Variants in AGBL1 observed in about 807,000 individuals in gnomAD.
AGBL1 encodes the protein AGBL carboxypeptidase 1.
Under a neutral mutation model 118.9 loss-of-function variants are expected in AGBL1, and 130 were observed. That is an observed-to-expected ratio of 1.09 (90% CI 0.95 to 1.26). The LOEUF (loss-of-function observed/expected upper bound fraction) is 1.26, where lower values mean the gene tolerates loss of function less well. Among genes scored for constraint, AGBL1 ranks in the 50% most tolerant of loss-of-function variants. AGBL1 has a pLI of 0.00. For synonymous variants in AGBL1, 555 were observed against 478.9 expected, an observed-to-expected ratio of 1.16 and a Z score of -2.08; for missense variants, 1,584 against 1,298.1, an observed-to-expected ratio of 1.22 and a Z score of -3.38.
At chr15:86,173,794 T>C (rs2077446287) in intron 5 of AGBL1, among the ~76,000 whole-genome samples, 1 of 152,204 alleles carries the variant, frequency 6.6e-6, no homozygotes, top group Non-Finnish European at 1.5e-5. Context: ...TCTGCTGTGC[T>C]GGTCTGTATG....
chr15:86,468,981 C>T (rs575713750), intron 18 of AGBL1, among the ~76,000 whole-genome samples: 18 of 152,152 alleles, frequency 1.2e-4, no homozygotes, highest in African/African-American at 4.3e-4. Context: ...ATTTATGGTG[C>T]ACAATGTGAT....
At chr15:86,217,429 T>G (rs1217925055) in intron 5 of AGBL1, among the ~76,000 whole-genome samples, 1 of 152,220 alleles carries the variant, frequency 6.6e-6, no homozygotes, top group Non-Finnish European at 1.5e-5. Flanking sequence ...AAAACATGTT[T>G]CCTATTTTCT....
chr15:86,311,185 G>A (rs1453426921), intron 17 of AGBL1, among the ~76,000 whole-genome samples: 1 of 152,136 alleles, frequency 6.6e-6, no homozygotes, highest in African/African-American at 2.4e-5. Context: ...TATTCTTTCA[G>A]ACCAATTCAG....
chr15:86,394,474 TA>T, intron 17 of AGBL1, among the ~76,000 whole-genome samples: 1 of 152,234 alleles, frequency 6.6e-6, no homozygotes, highest in East Asian at 1.9e-4. Context: ...AAGGTAATAT[TA>T]TTATAAGGAT....
chr15:86,129,796 G>A (rs1004992433), intron 1 of AGBL1, among the ~76,000 whole-genome samples: 1 of 152,164 alleles, frequency 6.6e-6, no homozygotes, highest in Admixed American at 6.5e-5. Flanking sequence ...GCATTAGGGT[G>A]AAGTAACTCG....
At chr15:86,753,572 A>G (rs539806968) in intron 22 of AGBL1, among the ~76,000 whole-genome samples, 3 of 151,682 alleles carry the variant, frequency 2.0e-5, no homozygotes, top group Non-Finnish European at 4.4e-5. Flanking sequence ...TAATTTTTGT[A>G]TTTTTAGTAG....
At chr15:87,019,266 T>C (rs1322709598) in intron 24 of AGBL1, among the ~76,000 whole-genome samples, 1 of 152,092 alleles carries the variant, frequency 6.6e-6, no homozygotes, top group South Asian at 2.1e-4. Context: ...CTGGATCAAG[T>C]GGACCTGACA....
intron 22 of AGBL1, among the ~76,000 whole-genome samples, chr15:86,787,028 G>C (rs1273755932): frequency 6.6e-6 from 1 of 152,036 alleles, no homozygotes. Context: ...AACACTTGGT[G>C]GTGTTTGCCT....
intron 15 of AGBL1, among the ~76,000 whole-genome samples, chr15:86,274,384 C>T (rs2079211645): frequency 6.6e-6 from 1 of 151,760 alleles, no homozygotes; most frequent in African/African-American, 2.4e-5. Context: ...TCCATTCTGC[C>T]ATTTTATGGT....
intron 22 of AGBL1, 145 bp downstream of exon 22, chr15:86,674,581 T>A (rs2085804810): frequency 3.7e-6 from 3 of 816,014 alleles, no homozygotes; most frequent in Non-Finnish European, 3.7e-6. Flanking sequence ...GTACACTATC[T>A]CGTTTCCTAC....
chr15:87,007,496 C>T (rs568179448), intron 24 of AGBL1, among the ~76,000 whole-genome samples: 1 of 152,182 alleles, frequency 6.6e-6, no homozygotes, highest in South Asian at 2.1e-4. Flanking sequence ...GATTTCTTTA[C>T]AAAACAACAT....
At chr15:86,217,532 A>C (rs1285322104) in intron 5 of AGBL1, among the ~76,000 whole-genome samples, 2 of 152,338 alleles carry the variant, frequency 1.3e-5, no homozygotes, top group East Asian at 3.9e-4. Flanking sequence ...ATGAGAAAAG[A>C]GGAAAAAAGG....
chr15:86,295,343 C>G lies in AGBL1; in HGVS notation c.2309C>G (p.Pro770Arg). 6.2e-7 allele frequency: 1 copy of G among 1,612,916 alleles called. No individual in the cohort carries two copies. Among genetic ancestry groups the G allele is most frequent in the Non-Finnish European group, 8.5e-7 (1 of 1,179,376 alleles). ...CTCTGCCAGACGCTGGGAGGGAATC[C>G]GTGTCCCTTGGTGACCATCACGGCC... The part of the protein sequence containing the change: ...DVLCQTLGGN[P>R]CPLVTITAMP... The change falls in exon 17 of 23, where the codon CCG becomes CGG. Residue 770 changes from proline to arginine, a missense_variant. Transcript: ENST00000614907.
rs114062858 is a variant in AGBL1, at chr15:86,728,081, A to G, written c.3158+53645A>G. Among the ~76,000 whole-genome samples the G allele has an allele frequency of 6.1e-3, 933 of 152,314 alleles. 10 individuals are homozygous for G. The highest frequency in any genetic ancestry group is 0.021 in the African/African-American group (884 of 41,564). On this transcript the variant is annotated intron_variant, in intron 22 of 22. Transcript: ENST00000614907. The stretch of plus-strand genomic sequence containing the variant: ...AATGAACCTATACAAAATGGTCTAC[A>G]TTCTTGGTTCCCTCTCCTTTCTTGG...
rs568804471 is a variant in AGBL1 at position 86,291,317 on chromosome 15, C to G, written c.2221-3938C>G. On this transcript the variant is annotated intron_variant, in intron 16 of 22. Coordinates refer to ENST00000614907, the MANE Select transcript of AGBL1 (RefSeq NM_001386094.1). The stretch of plus-strand genomic sequence containing the variant: ...GTAGTGTTGCAGAAGAAATATGAGC[C>G]AAGAATGATTTTTTTGTATACATAT... 1.6e-4 allele frequency among the ~76,000 whole-genome samples: 25 copies of G among 152,070 alleles called. 1 individual carries two copies. Among genetic ancestry groups the G allele is most frequent in the Middle Eastern group, 3.4e-3 (1 of 294 alleles).
rs115043241 is a variant in AGBL1, at chr15:86,453,157, G to A, written c.2555+55611G>A. Among the ~76,000 whole-genome samples, 507 of 152,252 alleles carry A rather than the reference G, an allele frequency of 3.3e-3. 4 individuals carry two copies. Among genetic ancestry groups the A allele is most frequent in the African/African-American group, 0.012 (485 of 41,532 alleles). On this transcript the variant is annotated intron_variant, in intron 18 of 22. Transcript: ENST00000614907. ...ACTCTATCCTCAGCTTCTAGAATAT[G>A]CCTAGTACACAGTAGGCACTCAATT...
chr15:87,023,662 C>A (rs1490357680), intron 24 of AGBL1, among the ~76,000 whole-genome samples: 2 of 151,994 alleles, frequency 1.3e-5, no homozygotes, highest in Non-Finnish European at 2.9e-5. Flanking sequence ...AACATTCCAT[C>A]CAACAACTGC....
chr15:86,795,261 C>A (rs899301227), intron 22 of AGBL1, among the ~76,000 whole-genome samples: 2 of 152,136 alleles, frequency 1.3e-5, no homozygotes, highest in Admixed American at 1.3e-4. Flanking sequence ...TGGGGATAGA[C>A]AAATCATTGC....
intron 17 of AGBL1, among the ~76,000 whole-genome samples, chr15:86,345,233 G>A (rs1457075114): frequency 6.6e-6 from 1 of 151,306 alleles, no homozygotes; most frequent in Non-Finnish European, 1.5e-5. Context: ...TTTTTTTAAT[G>A]GAAAGTAAAG....
Sources: allele counts gnomAD v4.1 joint callset (sites outside exome capture counted in the v4.1 genomes callset), GRCh38; gene constraint gnomAD v4.1.1; transcripts MANE v1.5; gene names NCBI Gene and HGNC (gene_info 2026-07-23, HGNC 2026-07-21).